CCSER1: variants seen among roughly 807,000 people sequenced by gnomAD.
CCSER1 encodes serine-rich coiled-coil domain-containing protein 1.
CCSER1 carries 41 observed loss-of-function variants against 82.0 expected under a neutral mutation model. The observed-to-expected ratio is 0.50, with a 90% CI of 0.39 to 0.65. CCSER1 has a LOEUF of 0.65. CCSER1 is among the 30% of genes least tolerant of loss of function. The pLI is 0.00. For synonymous variants in CCSER1, 414 were observed against 383.9 expected, an observed-to-expected ratio of 1.08 and a Z score of -0.92; for missense variants, 1,119 against 1,064.2, an observed-to-expected ratio of 1.05 and a Z score of -0.72.
In CCSER1 at chr4:91,590,642, G is replaced by GTTTAC. The variant is rs151057815; in HGVS notation, c.2218-7924_2218-7920dup. ...AAAGACGCACATTTTAGGAGTGCCTGTTTACTTTACATCAACACATTGTGT... is the reference window on the plus strand; with the variant it reads ...AAAGACGCACATTTTAGGAGTGCCTGTTTACTTTACTTTACATCAACACATTGTGT... On this transcript the variant is annotated intron_variant, in intron 10 of 10. Coordinates refer to ENST00000509176, the MANE Select transcript of CCSER1 (RefSeq NM_001145065.2). Among the ~76,000 whole-genome samples, 604 of 152,216 alleles carry GTTTAC rather than the reference G, an allele frequency of 4.0e-3. 3 individuals carry two copies. Among genetic ancestry groups the GTTTAC allele is most frequent in the African/African-American group, 0.014 (574 of 41,532 alleles).
chr4:90,485,131 G>A (rs1766797685), intron 5 of CCSER1, among the ~76,000 whole-genome samples: 1 of 152,224 alleles, frequency 6.6e-6, no homozygotes, highest in Non-Finnish European at 1.5e-5. Context: ...AGACTGCTGT[G>A]CTAGCAATGA....
intron 10 of CCSER1, among the ~76,000 whole-genome samples, chr4:91,221,594 A>C (rs1369050273): frequency 6.6e-6 from 1 of 152,184 alleles, no homozygotes; most frequent in Admixed American, 6.6e-5. Flanking sequence ...CTTATCTGTT[A>C]ATAAAATTAT....
chr4:90,668,714 G>C (rs1490673786), intron 6 of CCSER1, among the ~76,000 whole-genome samples: 2 of 152,030 alleles, frequency 1.3e-5, no homozygotes, highest in Non-Finnish European at 2.9e-5. Context: ...CAGATTTCAA[G>C]TAGTCATTTG....
chr4:91,355,615 T>A (rs1748771699), intron 10 of CCSER1, among the ~76,000 whole-genome samples: 1 of 152,194 alleles, frequency 6.6e-6, no homozygotes, highest in South Asian at 2.1e-4. Context: ...GAAGGTTAGT[T>A]GACGTCCTTA....
intron 5 of CCSER1, among the ~76,000 whole-genome samples, chr4:90,578,861 C>T (rs145140597): frequency 1.3e-5 from 2 of 152,184 alleles, no homozygotes; most frequent in African/African-American, 4.8e-5. Context: ...ATTGTATCTA[C>T]TTCAGAGGAA....
intron 3 of CCSER1, among the ~76,000 whole-genome samples, chr4:90,317,369 T>C (rs1444775156): frequency 6.6e-6 from 1 of 152,144 alleles, no homozygotes; most frequent in Non-Finnish European, 1.5e-5. Context: ...CCCAGCACTT[T>C]GGGAGGCTGA....
In CCSER1 at chr4:91,367,303, T is replaced by C. The variant is rs919166827; in HGVS notation, c.2218-231269T>C. Among the ~76,000 whole-genome samples, 6 of 122,676 alleles carry C rather than the reference T, an allele frequency of 4.9e-5. No homozygotes were observed. The Admixed American group carries it at 5.0e-4, about 10-fold the overall frequency. The allele number at this position is 122,676 out of a possible 152,430, so 80.5% of individuals were successfully genotyped here. A position where few individuals can be genotyped will look rare whatever the true frequency, so the allele number is the denominator to read the frequency against. On this transcript the variant is annotated intron_variant, in intron 10 of 10. Coordinates refer to ENST00000509176, the MANE Select transcript of CCSER1 (RefSeq NM_001145065.2). ...CTGCACTCCAGCATAGGTGACAGAG[T>C]GAGATCCTGTCTCCAAAAAAAAAAA...
At chr4:91,506,813 G>A (rs1226724131) in intron 10 of CCSER1, among the ~76,000 whole-genome samples, 5 of 151,842 alleles carry the variant, frequency 3.3e-5, no homozygotes, top group African/African-American at 4.8e-5. Context: ...GTTAGCAGTC[G>A]GTCTCCCAAA....
intron 4 of CCSER1, among the ~76,000 whole-genome samples, chr4:90,466,240 G>T (rs1763623845): frequency 6.6e-6 from 1 of 152,212 alleles, no homozygotes; most frequent in Admixed American, 6.5e-5. Flanking sequence ...CAGAAAGAAT[G>T]TTTTTTCCCT....
intron 5 of CCSER1, among the ~76,000 whole-genome samples, chr4:90,483,931 T>C (rs1382223621): frequency 6.6e-6 from 1 of 152,202 alleles, no homozygotes; most frequent in Non-Finnish European, 1.5e-5. Context: ...CCTTGCTAGA[T>C]TGGGGAAGTT....
At chr4:91,390,487 T>C (rs1481981573) in intron 10 of CCSER1, among the ~76,000 whole-genome samples, 1 of 151,992 alleles carries the variant, frequency 6.6e-6, no homozygotes, top group Admixed American at 6.6e-5. Context: ...AAGGTATCAC[T>C]CTGTGGTTTT....
Position 90,432,154 on chromosome 4 carries a change from T to C in CCSER1, c.1603+32025T>C, listed in dbSNP as rs76710094. ...TTTGAGTTATTACATGATAGAGTCA[T>C]TATGCAAAGTCTTAGTAACTATAAC... On this transcript the variant is annotated intron_variant, in intron 4 of 10. Coordinates refer to ENST00000509176, the MANE Select transcript of CCSER1 (RefSeq NM_001145065.2). 8.8e-3 allele frequency among the ~76,000 whole-genome samples: 1,338 copies of C among 152,278 alleles called. 9 individuals carry two copies. Among genetic ancestry groups the C allele is most frequent in the Non-Finnish European group, 0.014 (944 of 68,000 alleles).
chr4:90,650,167 A>T (rs1227531435), intron 6 of CCSER1, among the ~76,000 whole-genome samples: 1 of 152,124 alleles, frequency 6.6e-6, no homozygotes, highest in Non-Finnish European at 1.5e-5. Context: ...CAGTGAGCCG[A>T]GGTTGCACCA....
chr4:90,826,579 G>A (rs745392468), intron 8 of CCSER1, among the ~76,000 whole-genome samples: 1 of 152,098 alleles, frequency 6.6e-6, no homozygotes, highest in Non-Finnish European at 1.5e-5. Context: ...TAATACAATT[G>A]AGAAATAAGT....
intron 4 of CCSER1, among the ~76,000 whole-genome samples, chr4:90,437,539 C>G (rs1759203015): frequency 6.6e-6 from 1 of 152,042 alleles, no homozygotes; most frequent in Non-Finnish European, 1.5e-5. Flanking sequence ...ATTTTGCTTT[C>G]TTTTCTGTAT....
At chr4:91,055,827 A>G (rs532140904) in intron 9 of CCSER1, among the ~76,000 whole-genome samples, 2 of 125,446 alleles carry the variant, frequency 1.6e-5, no homozygotes, top group East Asian at 2.3e-4. Context: ...CTCAGTGCAT[A>G]TGTTGGTCTG....
intron 3 of CCSER1, among the ~76,000 whole-genome samples, chr4:90,396,184 C>T (rs1751931078): frequency 6.6e-6 from 1 of 152,122 alleles, no homozygotes; most frequent in South Asian, 2.1e-4. Flanking sequence ...AGATGAGAAA[C>T]TATTTTTTCT....
At chr4:90,748,489 A>G (rs1475129903) in intron 7 of CCSER1, among the ~76,000 whole-genome samples, 2 of 149,286 alleles carry the variant, frequency 1.3e-5, no homozygotes, top group African/African-American at 2.4e-5. Flanking sequence ...TAATGCCACA[A>G]TAAACATACG....
intron 3 of CCSER1, among the ~76,000 whole-genome samples, chr4:90,388,412 C>A (rs528623682): frequency 6.6e-6 from 1 of 151,504 alleles, no homozygotes; most frequent in Non-Finnish European, 1.5e-5. Flanking sequence ...TGGGTTCAAG[C>A]GATTCTCCTG....
Sources: allele counts gnomAD v4.1 joint callset (sites outside exome capture counted in the v4.1 genomes callset), GRCh38; gene constraint gnomAD v4.1.1; transcripts MANE v1.5; gene names NCBI Gene and HGNC (gene_info 2026-07-23, HGNC 2026-07-21).